The following ADAM12 variants were observed in gnomAD, a reference collection of about 807,000 sequenced individuals.
The protein encoded by ADAM12 is disintegrin and metalloproteinase domain-containing protein 12.
ADAM12 carries 70 observed loss-of-function variants against 106.4 expected under a neutral mutation model. That is an observed-to-expected ratio of 0.66 (90% CI 0.54 to 0.80). The LOEUF (loss-of-function observed/expected upper bound fraction) is 0.80, where lower values mean the gene tolerates loss of function less well. Ranked by LOEUF, ADAM12 falls within the 30% of genes least tolerant of loss-of-function variation. The pLI, the probability that ADAM12 is intolerant of heterozygous loss-of-function variation, is 0.00. For synonymous variants in ADAM12, 420 were observed against 433.5 expected (o/e 0.97, Z 0.39); for missense variants, 1,010 against 1,171.9 (o/e 0.86, Z 2.02).
chr10:126,170,780 A>C lies in ADAM12; in HGVS notation c.261-15475T>G, dbSNP rs184837171. 1.6e-4 allele frequency among the ~76,000 whole-genome samples: 25 copies of C among 152,352 alleles called. 1 individual carries two copies. Among genetic ancestry groups the C allele is most frequent in the Admixed American group, 1.4e-3 (22 of 15,306 alleles). ...TTTTAAAGAAACTACAACAAGAAGT[A>C]CTTGTAATACCCATGCTGAATATTT... On this transcript the variant is annotated intron_variant, in intron 3 of 22. Transcript: ENST00000448723.
At chr10:126,082,363 G>GTTTTGT in intron 11 of ADAM12, among the ~76,000 whole-genome samples, 1 of 80,780 alleles carries the variant, frequency 1.2e-5, no homozygotes, top group South Asian at 5.5e-4. Flanking sequence ...TCTAATGACT[G>GTTTTGT]TTTTTTTTTT....
intron 2 of ADAM12, among the ~76,000 whole-genome samples, chr10:126,316,670 A>C (rs1306272704): frequency 6.6e-6 from 1 of 152,108 alleles, no homozygotes; most frequent in African/African-American, 2.4e-5. Context: ...CAGCCTCAGC[A>C]ACATGGCAAA....
At chr10:126,357,665 C>T (rs1855588327) in intron 1 of ADAM12, among the ~76,000 whole-genome samples, 1 of 152,146 alleles carries the variant, frequency 6.6e-6, no homozygotes. Context: ...TCCTTCTTTA[C>T]ATGGCAGCAG....
At chr10:126,292,626 A>AT (rs1257264098) in intron 2 of ADAM12, among the ~76,000 whole-genome samples, 1 of 152,136 alleles carries the variant, frequency 6.6e-6, no homozygotes, top group Admixed American at 6.5e-5. Context: ...GTTGATGCAC[A>AT]TTTTCTGTAA....
chr10:126,151,845 T>G (rs1956733152), intron 4 of ADAM12, among the ~76,000 whole-genome samples: 2 of 151,998 alleles, frequency 1.3e-5, no homozygotes, highest in African/African-American at 2.4e-5. Context: ...CACAACATTC[T>G]TGTGATTTAA....
intron 21 of ADAM12, among the ~76,000 whole-genome samples, chr10:126,022,671 G>C (rs1390211272): frequency 6.6e-6 from 1 of 152,230 alleles, no homozygotes; most frequent in Non-Finnish European, 1.5e-5. Flanking sequence ...ACCTCTCCCA[G>C]AGAAGTCCAG....
chr10:126,357,680 A>G (rs376862040), intron 1 of ADAM12, among the ~76,000 whole-genome samples: 1 of 152,324 alleles, frequency 6.6e-6, no homozygotes, highest in African/African-American at 2.4e-5. Flanking sequence ...CAGCAGCAAG[A>G]AGAAGTGCCG....
chr10:126,113,776 A>ATGATATTG (rs1433727857), intron 6 of ADAM12, among the ~76,000 whole-genome samples: 4 of 127,468 alleles, frequency 3.1e-5, no homozygotes, highest in African/African-American at 1.2e-4. Flanking sequence ...TTCTAGGGAG[A>ATGATATTG]TGATATTGGA....
intron 17 of ADAM12, among the ~76,000 whole-genome samples, chr10:126,044,594 C>T (rs1590328883): frequency 6.6e-6 from 1 of 152,118 alleles, no homozygotes; most frequent in African/African-American, 2.4e-5. Flanking sequence ...AATATGGCTG[C>T]CAGATATACA....
chr10:126,129,338 C>T (rs1392887969), intron 5 of ADAM12, among the ~76,000 whole-genome samples: 1 of 152,246 alleles, frequency 6.6e-6, no homozygotes, highest in African/African-American at 2.4e-5. Flanking sequence ...GCAGTGGGAA[C>T]GTGGCATTTA....
At chr10:126,058,828 C>T (rs150824826) in intron 14 of ADAM12, among the ~76,000 whole-genome samples, 1 of 152,316 alleles carries the variant, frequency 6.6e-6, no homozygotes, top group African/African-American at 2.4e-5. Flanking sequence ...CTTCTATCCA[C>T]TTGTAAGATG....
chr10:126,107,134 C>A (rs981752897), intron 8 of ADAM12, among the ~76,000 whole-genome samples: 1 of 152,156 alleles, frequency 6.6e-6, no homozygotes, highest in South Asian at 2.1e-4. Flanking sequence ...AACACACATG[C>A]ATGTACATGT....
intron 5 of ADAM12, chr10:126,135,257 A>T (rs2133676909): frequency 3.4e-6 from 1 of 294,838 alleles, no homozygotes; most frequent in East Asian, 6.3e-5. Context: ...TAGCACTGGG[A>T]ATTATAAAGC....
At chr10:126,355,738 G>A (rs945398678) in intron 1 of ADAM12, among the ~76,000 whole-genome samples, 8 of 152,192 alleles carry the variant, frequency 5.3e-5, no homozygotes, top group African/African-American at 1.2e-4. Flanking sequence ...AAGAATGCTC[G>A]AGGTAGCGGC....
At chr10:126,336,452 C>T (rs909348390) in intron 1 of ADAM12, among the ~76,000 whole-genome samples, 2 of 152,096 alleles carry the variant, frequency 1.3e-5, no homozygotes, top group East Asian at 1.9e-4. Context: ...TTTACTCAGA[C>T]GGAAGATGCA....
intron 21 of ADAM12, among the ~76,000 whole-genome samples, chr10:126,023,083 A>T (rs1474353294): frequency 6.6e-6 from 1 of 152,254 alleles, no homozygotes; most frequent in East Asian, 1.9e-4. Context: ...GAAGACTGGA[A>T]TTCATCACAG....
At position 126,201,576 on chromosome 10, in the gene ADAM12, G is replaced by A. The variant is rs142838871; in HGVS notation, c.261-46271C>T. ...CTGCCTTCCAGAGCTGCGAGAGACC[G>A]AGTTTCTGTTGTTTGAAGCCACTCA... is the stretch of plus-strand genomic sequence containing the variant. On this transcript the variant is annotated intron_variant, in intron 3 of 22. Transcript: ENST00000448723. Among the ~76,000 whole-genome samples the A allele has an allele frequency of 5.1e-3, 781 of 152,194 alleles. 10 individuals carry two copies. Among genetic ancestry groups the A allele is most frequent in the African/African-American group, 0.017 (718 of 41,540 alleles).
At chr10:126,369,991 G>T (rs1856053557) in intron 1 of ADAM12, among the ~76,000 whole-genome samples, 1 of 152,176 alleles carries the variant, frequency 6.6e-6, no homozygotes, top group Non-Finnish European at 1.5e-5. Flanking sequence ...TGCAGGCCTT[G>T]ATGAAGCAAG....
intron 5 of ADAM12, among the ~76,000 whole-genome samples, chr10:126,124,908 A>AAAG (rs1436186529): frequency 2.7e-5 from 4 of 146,158 alleles, no homozygotes; most frequent in East Asian, 2.7e-4. Context: ...AAAAAAAAAA[A>AAAG]AAAGAAAAAG....
Sources: gnomAD v4.1 joint callset for allele counts (sites outside exome capture counted in the v4.1 genomes callset) on GRCh38, gnomAD v4.1.1 for gene constraint, MANE v1.5 for transcripts, NCBI Gene and HGNC (gene_info 2026-07-23, HGNC 2026-07-21) for gene names.